Variants in PKNOX2 observed in about 807,000 individuals in gnomAD.
PKNOX2 encodes homeobox protein PKNOX2.
PKNOX2 carries 14 observed loss-of-function variants against 53.1 expected under a neutral mutation model. That is an observed-to-expected ratio of 0.26 (90% CI 0.17 to 0.41). The LOEUF (loss-of-function observed/expected upper bound fraction) is 0.41, where lower values mean the gene tolerates loss of function less well. Ranked by LOEUF, PKNOX2 falls within the 10% of genes least tolerant of loss-of-function variation. The pLI is 1.00. For missense variants in PKNOX2, 496 were observed against 602.8 expected, an observed-to-expected ratio of 0.82 and a Z score of 1.85; for synonymous variants, 257 against 242.8, an observed-to-expected ratio of 1.06 and a Z score of -0.54.
chr11:125,392,951 G>C (rs1007289875), intron 6 of PKNOX2, among the ~76,000 whole-genome samples: 11 of 151,968 alleles, frequency 7.2e-5, no homozygotes, highest in African/African-American at 2.4e-4. Flanking sequence ...GAGGTCAGGA[G>C]ATCGAGACTA....
intron 2 of PKNOX2, among the ~76,000 whole-genome samples, chr11:125,308,015 G>A (rs1467567861): frequency 6.6e-6 from 1 of 152,226 alleles, no homozygotes; most frequent in Non-Finnish European, 1.5e-5. Context: ...GGAGAGGAGG[G>A]AAAACATTTG....
At chr11:125,389,283 A>T (rs1056769144) in intron 6 of PKNOX2, among the ~76,000 whole-genome samples, 1 of 152,192 alleles carries the variant, frequency 6.6e-6, no homozygotes, top group African/African-American at 2.4e-5. Flanking sequence ...CACAGAAGGA[A>T]GTGACTTGCC....
intron 1 of PKNOX2, among the ~76,000 whole-genome samples, chr11:125,172,370 G>A (rs1223556683): frequency 2.6e-5 from 4 of 152,154 alleles, no homozygotes; most frequent in Non-Finnish European, 5.9e-5. Flanking sequence ...CTTCACTCCT[G>A]GTTGCAACAT....
At chr11:125,376,320 G>T (rs539887615) in intron 5 of PKNOX2, among the ~76,000 whole-genome samples, 1 of 152,306 alleles carries the variant, frequency 6.6e-6, no homozygotes, top group African/African-American at 2.4e-5. Context: ...AAATACACCC[G>T]CATGGTTTCA....
chr11:125,204,757 T>TC (rs2135417871), intron 1 of PKNOX2, among the ~76,000 whole-genome samples: 1 of 152,302 alleles, frequency 6.6e-6, no homozygotes, highest in South Asian at 2.1e-4. Flanking sequence ...CTCTGCTGAC[T>TC]CCTTTTCTCC....
chr11:125,421,768 A>G (rs1304135526), intron 10 of PKNOX2, among the ~76,000 whole-genome samples: 1 of 152,248 alleles, frequency 6.6e-6, no homozygotes, highest in African/African-American at 2.4e-5. Flanking sequence ...ATGATAGTCA[A>G]GCCACCAGGC....
chr11:125,347,182 G>T (rs2136185088), intron 3 of PKNOX2, among the ~76,000 whole-genome samples: 1 of 152,170 alleles, frequency 6.6e-6, no homozygotes, highest in East Asian at 1.9e-4. Context: ...GCAGGTGGGT[G>T]GGACAGTGAG....
At chr11:125,286,061 CG>C (rs1176634937) in intron 2 of PKNOX2, among the ~76,000 whole-genome samples, 1 of 152,102 alleles carries the variant, frequency 6.6e-6, no homozygotes, top group Non-Finnish European at 1.5e-5. Flanking sequence ...AAGTGAGAGA[CG>C]GGGCAGTGTG....
At chr11:125,212,938 T>A (rs140465336) in intron 1 of PKNOX2, among the ~76,000 whole-genome samples, 99 of 152,204 alleles carry the variant, frequency 6.5e-4, no homozygotes, top group African/African-American at 2.1e-3. Context: ...CTACCCCATA[T>A]GTAGGCTCTT....
intron 2 of PKNOX2, among the ~76,000 whole-genome samples, chr11:125,314,790 T>C (rs1219918231): frequency 6.6e-6 from 1 of 152,024 alleles, no homozygotes; most frequent in African/African-American, 2.4e-5. Flanking sequence ...CCGATGAGGA[T>C]GCTCCTTGGA....
At chr11:125,378,463 C>A (rs1952974975) in intron 5 of PKNOX2, among the ~76,000 whole-genome samples, 1 of 152,230 alleles carries the variant, frequency 6.6e-6, no homozygotes, top group Admixed American at 6.5e-5. Flanking sequence ...GGCTCTGTCT[C>A]CCCTGTCCCC....
intron 2 of PKNOX2, among the ~76,000 whole-genome samples, chr11:125,306,620 T>C (rs1456686460): frequency 1.3e-5 from 2 of 152,360 alleles, no homozygotes; most frequent in Non-Finnish European, 2.9e-5. Context: ...GTCCCAGCTA[T>C]AATTCAGCTG....
Position 125,433,239 on chromosome 11 carries a change from C to T in PKNOX2, c.*1847C>T, listed in dbSNP as rs1956778585. ...ACTCACCACCTGGACAGGCGTCCCC[C>T]AGCACGGACACACTGGCACACAGGT... is the stretch of plus-strand genomic sequence containing the variant. On this transcript the variant is annotated 3_prime_UTR_variant, in exon 13 of 13. Coordinates refer to ENST00000298282, the MANE Select transcript of PKNOX2 (RefSeq NM_001382323.2). The T allele has an allele frequency of 6.5e-6, 1 of 152,850 alleles. No individual in the cohort carries two copies. The highest frequency in any genetic ancestry group is 1.9e-4 in the East Asian group (1 of 5,198). The allele number at this position is 152,850 out of a possible 1,614,324, so 9.5% of individuals were successfully genotyped here.
At chr11:125,328,007 C>T (rs760913560) in intron 2 of PKNOX2, among the ~76,000 whole-genome samples, 4 of 152,116 alleles carry the variant, frequency 2.6e-5, no homozygotes, top group Middle Eastern at 3.2e-3. Context: ...TCCTCTGTGT[C>T]GTCTTGGGGT....
At chr11:125,310,782 T>C (rs1358635033) in intron 2 of PKNOX2, among the ~76,000 whole-genome samples, 2 of 152,176 alleles carry the variant, frequency 1.3e-5, no homozygotes, top group Non-Finnish European at 2.9e-5. Context: ...GAGATGCTAG[T>C]TTACCATCTC....
At chr11:125,187,829 G>A (rs988588521) in intron 1 of PKNOX2, among the ~76,000 whole-genome samples, 2 of 152,204 alleles carry the variant, frequency 1.3e-5, no homozygotes, top group African/African-American at 2.4e-5. Flanking sequence ...GTCACTCCTA[G>A]CGGCCTGGGC....
intron 2 of PKNOX2, among the ~76,000 whole-genome samples, chr11:125,317,780 C>T (rs1241569899): frequency 2.6e-5 from 4 of 152,182 alleles, no homozygotes; most frequent in African/African-American, 7.2e-5. Flanking sequence ...TGAGCCCTGG[C>T]TTCAACCTAA....
At position 125,281,376 on chromosome 11, in the gene PKNOX2, G is replaced by A. The variant is rs191882779; in HGVS notation, c.-130+46261G>A. ...TTCCCTTTCTGTCCTCAGATCCCCA[G>A]ACTCCAGGCTCTTCTCTTAATTTAT... On this transcript the variant is annotated intron_variant, in intron 2 of 12. Transcript: ENST00000298282. Among the ~76,000 whole-genome samples, 5 of 152,314 alleles carry A rather than the reference G, an allele frequency of 3.3e-5. No homozygotes were observed. The East Asian group carries it at 5.8e-4, about 18-fold the overall frequency.
intron 1 of PKNOX2, among the ~76,000 whole-genome samples, chr11:125,191,910 G>A (rs906287558): frequency 6.6e-6 from 1 of 152,186 alleles, no homozygotes; most frequent in Non-Finnish European, 1.5e-5. Flanking sequence ...GCTTGATCTC[G>A]AATCCCTTTC....
Sources: gnomAD v4.1 joint callset for allele counts (sites outside exome capture counted in the v4.1 genomes callset) on GRCh38, gnomAD v4.1.1 for gene constraint, MANE v1.5 for transcripts, NCBI Gene and HGNC (gene_info 2026-07-23, HGNC 2026-07-21) for gene names.